GHRH: variants seen among roughly 807,000 people sequenced by gnomAD.
GHRH encodes the protein somatoliberin.
A neutral mutation model predicts 15.6 loss-of-function variants in GHRH; 7 were observed. That is an observed-to-expected ratio of 0.45 (90% CI 0.26 to 0.84). The LOEUF is 0.84. Among genes scored for constraint, GHRH ranks in the 40% least tolerant of loss-of-function variants. GHRH has a pLI of 0.18. For missense variants in GHRH, 117 were observed against 138.0 expected, an observed-to-expected ratio of 0.85 and a Z score of 0.76; for synonymous variants, 54 against 50.4, an observed-to-expected ratio of 1.07 and a Z score of -0.30.
chr20:37,251,346 C>G, intron 4 of GHRH, 115 bp from the exon 5 acceptor site: 1 of 771,188 alleles, frequency 1.3e-6, no homozygotes, highest in South Asian at 1.9e-5. Flanking sequence ...CTTTTGGATT[C>G]CAAAAGAGGC....
rs749103484 is a variant in GHRH at position 37,256,489 on chromosome 20, C to A, written c.93G>T (p.Arg31=). ...PPPPLTLRMR[R]YADAIFTNSY... is the part of the protein sequence containing the mutation. ...TGTTGGTGAAGATGGCATCTGCATA[C>A]CGCCGCATCCTGTGCGGAAGGAGTC... The change falls in exon 3 of 5, where the codon CGG becomes CGT. Residue 31 remains arginine (R), a synonymous_variant. Coordinates refer to ENST00000373614, the MANE Select transcript of GHRH (RefSeq NM_021081.6). 2 of 1,610,502 alleles carry A rather than the reference C, an allele frequency of 1.2e-6. No homozygotes were observed. The highest frequency in any genetic ancestry group is 1.7e-6 in the Non-Finnish European group (2 of 1,177,696).
At chr20:37,256,320 G>T in intron 3 of GHRH, 74 bp downstream of exon 3, 1 of 879,766 alleles carries the variant, frequency 1.1e-6, no homozygotes, top group Non-Finnish European at 1.8e-6. Context: ...TTGGTCCCTG[G>T]TCCCCTGTAG....
At position 37,258,760 on chromosome 20, in the gene GHRH, G is replaced by C. The variant is rs1159206612; in HGVS notation, c.-19-1852C>G. On this transcript the variant is annotated intron_variant, in intron 1 of 4. Coordinates refer to ENST00000373614, the MANE Select transcript of GHRH (RefSeq NM_021081.6). The surrounding 1 kb of genome is among the most constrained non-coding windows in gnomAD (Gnocchi z 4.1). ...ATGGTTCTTTATTTATTTATTTTGAGAGCGGGTCTCACTCTGTGGCCCAGG... is the reference window on the plus strand; with the variant it reads ...ATGGTTCTTTATTTATTTATTTTGACAGCGGGTCTCACTCTGTGGCCCAGG... Among the ~76,000 whole-genome samples, 2 of 152,160 alleles carry C rather than the reference G, an allele frequency of 1.3e-5. No individual in the cohort carries two copies. Among genetic ancestry groups the C allele is most frequent in the Non-Finnish European group, 2.9e-5 (2 of 68,036 alleles).
At chr20:37,254,851 C>T (rs781522030) in intron 3 of GHRH, among the ~76,000 whole-genome samples, 2 of 152,124 alleles carry the variant, frequency 1.3e-5, no homozygotes, top group South Asian at 2.1e-4. Context: ...GACTGAGGAA[C>T]GATTCCAGAT....
intron 4 of GHRH, among the ~76,000 whole-genome samples, chr20:37,253,300 G>A (rs970776979): frequency 6.6e-6 from 1 of 152,196 alleles, no homozygotes; most frequent in African/African-American, 2.4e-5. Flanking sequence ...TGCTGATCGT[G>A]TGTCTGCGCA....
rs1288719280 is a variant in GHRH, at chr20:37,256,403, C to T, written c.179G>A (p.Arg60Lys). 11 of 1,609,120 alleles carry T rather than the reference C, an allele frequency of 6.8e-6. No individual in the cohort carries two copies. Among genetic ancestry groups the T allele is most frequent in the Non-Finnish European group, 9.4e-6 (11 of 1,176,444 alleles). Residue 60 changes from arginine to lysine, a missense_variant, in exon 3 of 5, where the codon AGG becomes AAG. Coordinates refer to ENST00000373614, the MANE Select transcript of GHRH (RefSeq NM_021081.6). ...TAGAACTCCTGCTTACCCCTGCTGCCTGCTCATGATGTCCTGGAGCAGCTT... is the reference window on the plus strand; with the variant it reads ...TAGAACTCCTGCTTACCCCTGCTGCTTGCTCATGATGTCCTGGAGCAGCTT... ...ARKLLQDIMS[R>K]QQGESNQERG...
At chr20:37,261,590 G>A (rs899069402) in intron 1 of GHRH, among the ~76,000 whole-genome samples, 153 bp downstream of exon 1, 5 of 152,190 alleles carry the variant, frequency 3.3e-5, no homozygotes, top group African/African-American at 1.2e-4. Flanking sequence ...ATTGAGGGGT[G>A]ATTTTATCCA....
chr20:37,253,529 A>T (rs1313107153), intron 4 of GHRH, among the ~76,000 whole-genome samples: 1 of 152,176 alleles, frequency 6.6e-6, no homozygotes. Context: ...CCGCACTGGG[A>T]TACAGCCATG....
At chr20:37,261,611 C>G (rs1253355984) in intron 1 of GHRH, 132 bp downstream of exon 1, 1 of 152,226 alleles carries the variant, frequency 6.6e-6, no homozygotes, top group Non-Finnish European at 1.5e-5. Context: ...GAGAGGGGCT[C>G]AAATGTACTC....
chr20:37,260,454 G>A (rs558814013), intron 1 of GHRH, among the ~76,000 whole-genome samples: 6 of 152,022 alleles, frequency 3.9e-5, no homozygotes, highest in East Asian at 1.9e-4. Flanking sequence ...GCATGGTGGC[G>A]CATGCCTGTA....
At position 37,254,349 on chromosome 20, in the gene GHRH, G is replaced by T; in HGVS notation, c.189-20C>A. ...CTCTCTCTGTGTGGTTAGAAAAAGA[G>T]AACTAGTTGCTATTTGGGTAGGATG... is the stretch of plus-strand genomic sequence containing the variant. On this transcript the variant is annotated intron_variant, in intron 3 of 4. Transcript: ENST00000373614. 1 of 1,614,026 alleles carries T rather than the reference G, an allele frequency of 6.2e-7. No homozygotes were observed. Among genetic ancestry groups the T allele is most frequent in the Non-Finnish European group, 8.5e-7 (1 of 1,179,872 alleles).
intron 4 of GHRH, among the ~76,000 whole-genome samples, chr20:37,251,819 A>G (rs1009382632): frequency 2.0e-5 from 3 of 152,060 alleles, no homozygotes; most frequent in Admixed American, 6.6e-5. Context: ...ACATGGCTCT[A>G]CTCTGCACTC....
chr20:37,256,445 C>G lies in GHRH; in HGVS notation c.137G>C (p.Gly46Ala), dbSNP rs1337155174. 1 of 1,613,582 alleles carries G rather than the reference C, an allele frequency of 6.2e-7. No individual in the cohort carries two copies. The highest frequency in any genetic ancestry group is 1.7e-5 in the Admixed American group (1 of 59,984). Reference protein sequence around the residue: ...IFTNSYRKVLGQLSARKLLQD... With the variant: ...IFTNSYRKVLAQLSARKLLQD... ...GAGCAGCTTGCGGGCGGACAGCTGG[C>G]CCAGCACCTTCCGGTAGCTGTTGGT... The change falls in exon 3 of 5, where the codon GGC becomes GCC. Residue 46 changes from glycine to alanine, a missense_variant. Gly to Ala is a moderately conservative substitution (Grantham distance 60). Transcript: ENST00000373614.
Position 37,256,793 on chromosome 20 carries a change from C to G in GHRH, c.83+14G>C. The G allele has an allele frequency of 1.2e-6, 2 of 1,603,022 alleles. No individual in the cohort carries two copies. The highest frequency in any genetic ancestry group is 1.7e-6 in the Non-Finnish European group (2 of 1,172,512). ...GCTTGGGAGTGGTGGGAACTTTCCC[C>G]AGGGTCTGCTTACCTGAGGGTCAAA... On this transcript the variant is annotated intron_variant, in intron 2 of 4. Transcript: ENST00000373614.
intron 1 of GHRH, among the ~76,000 whole-genome samples, chr20:37,257,156 C>T (rs1463953743): frequency 1.3e-5 from 2 of 152,220 alleles, no homozygotes; most frequent in African/African-American, 2.4e-5. Context: ...CCCCTGCCAA[C>T]CACATAGGGT....
chr20:37,259,198 C>T (rs183775383), intron 1 of GHRH, among the ~76,000 whole-genome samples: 2 of 152,314 alleles, frequency 1.3e-5, no homozygotes, highest in East Asian at 3.9e-4. Flanking sequence ...GTGTAACATC[C>T]GCCTGCTGGG....
Position 37,254,269 on chromosome 20 carries a change from C to T in GHRH, c.249G>A (p.Trp83Ter). 2 of 1,614,120 alleles carry T rather than the reference C, an allele frequency of 1.2e-6. No homozygotes were observed. The highest frequency in any genetic ancestry group is 1.7e-6 in the Non-Finnish European group (2 of 1,179,964). ...CCAATTCCATTTGCTTTTGTTCTGC[C>T]CACATGCTGTCTACCTGACGACCAA... ...ARLGRQVDSM[W>*]AEQKQMELES... Residue 83 changes from tryptophan (W) to a stop codon, truncating the protein, a stop_gained, in exon 4 of 5, where the codon TGG (tryptophan) becomes TGA (stop). Transcript: ENST00000373614. LOFTEE classifies it high-confidence loss of function.
At chr20:37,251,673 G>T (rs1236738895) in intron 4 of GHRH, among the ~76,000 whole-genome samples, 1 of 152,188 alleles carries the variant, frequency 6.6e-6, no homozygotes, top group African/African-American at 2.4e-5. Flanking sequence ...TATGCCTCTG[G>T]TCCAGAGTGT....
intron 1 of GHRH, among the ~76,000 whole-genome samples, chr20:37,261,170 C>T (rs1365479936): frequency 6.6e-6 from 1 of 152,184 alleles, no homozygotes; most frequent in Non-Finnish European, 1.5e-5. Flanking sequence ...TGGTGAAAGA[C>T]ACAAATACTT....
Sources: allele counts gnomAD v4.1 joint callset (sites outside exome capture counted in the v4.1 genomes callset), GRCh38; gene constraint gnomAD v4.1.1; non-coding constraint Gnocchi (gnomAD v3.1); transcripts MANE v1.5; gene names NCBI Gene and HGNC (gene_info 2026-07-23, HGNC 2026-07-21).